HMG20A: variants seen among roughly 807,000 people sequenced by gnomAD.
HMG20A encodes the protein high mobility group 20A.
HMG20A carries 17 observed loss-of-function variants against 43.9 expected under a neutral mutation model. The ratio of observed to expected loss-of-function variants is 0.39; its 90% confidence interval spans 0.27 to 0.58. The LOEUF is 0.58. HMG20A is among the 20% of genes least tolerant of loss of function. The pLI, the probability that HMG20A is intolerant of heterozygous loss-of-function variation, is 0.59. For synonymous variants in HMG20A, 132 were observed against 147.5 expected (o/e 0.89, Z 0.76); for missense variants, 341 against 438.2 (o/e 0.78, Z 1.98).
At chr15:77,511,880 C>T in the HMG20A span, among the ~76,000 whole-genome samples, 1 of 152,132 alleles carries the variant, frequency 6.6e-6, no homozygotes, top group African/African-American at 2.4e-5. Context: ...GTAGAATTAC[C>T]ATATGATCCA....
At chr15:77,463,791 G>C (rs2072727823) in intron 2 of HMG20A, among the ~76,000 whole-genome samples, 1 of 152,216 alleles carries the variant, frequency 6.6e-6, no homozygotes, top group South Asian at 2.1e-4. Flanking sequence ...GTACCGTTAA[G>C]AGATTTTTCT....
the HMG20A span, among the ~76,000 whole-genome samples, chr15:77,497,672 AGAGAGAGAGAGT>A: frequency 2.4e-4 from 31 of 126,904 alleles, no homozygotes; most frequent in Non-Finnish European, 3.7e-4. Context: ...AGAGAGAGAG[AGAGAGAGAGAGT>A]GTGTGTGTGT....
chr15:77,477,689 A>T, intron 7 of HMG20A, 59 bp downstream of exon 7: 1 of 1,157,418 alleles, frequency 8.6e-7, no homozygotes, highest in Admixed American at 1.8e-5. Context: ...CTTAGTTCTC[A>T]GAAGAAATTC....
intron 1 of HMG20A, among the ~76,000 whole-genome samples, chr15:77,457,200 T>C (rs1339938437): frequency 6.6e-6 from 1 of 152,220 alleles, no homozygotes; most frequent in African/African-American, 2.4e-5. Context: ...ACATGGAGAA[T>C]GTGGTCCTCG....
chr15:77,435,386 C>T (rs551587332), intron 1 of HMG20A, among the ~76,000 whole-genome samples: 14 of 152,296 alleles, frequency 9.2e-5, no homozygotes, highest in Non-Finnish European at 1.5e-4. Flanking sequence ...TGGGCTCAAG[C>T]AGTTCTTCTG....
intron 1 of HMG20A, among the ~76,000 whole-genome samples, chr15:77,428,748 T>G (rs575642268): frequency 6.6e-6 from 1 of 152,290 alleles, no homozygotes; most frequent in Admixed American, 6.5e-5. Context: ...AAGGATCGCC[T>G]TAGCTCAGGA....
chr15:77,457,972 ATC>A (rs983260583), intron 1 of HMG20A, among the ~76,000 whole-genome samples: 1 of 152,192 alleles, frequency 6.6e-6, no homozygotes, highest in African/African-American at 2.4e-5. Context: ...TTTCATTTTA[ATC>A]TCTCACAATA....
chr15:77,482,881 TA>T (rs1196389502), intron 9 of HMG20A, 88 bp from the exon 10 acceptor site: 1 of 152,310 alleles, frequency 6.6e-6, no homozygotes, highest in Non-Finnish European at 1.5e-5. Context: ...TCCATAGCGC[TA>T]ACCCCTTCCA....
chr15:77,433,561 A>G (rs1033288959), intron 1 of HMG20A, among the ~76,000 whole-genome samples: 5 of 152,174 alleles, frequency 3.3e-5, no homozygotes, highest in Admixed American at 6.5e-5. Context: ...CGTGAACCTA[A>G]ATGTGTTACT....
At chr15:77,441,796 G>C (rs1287282529) in intron 1 of HMG20A, among the ~76,000 whole-genome samples, 1 of 151,968 alleles carries the variant, frequency 6.6e-6, no homozygotes, top group South Asian at 2.1e-4. Context: ...TATCAACTTT[G>C]TCTTTTAAAT....
chr15:77,511,523 C>T, the HMG20A span, among the ~76,000 whole-genome samples: 7 of 152,190 alleles, frequency 4.6e-5, no homozygotes, highest in East Asian at 3.9e-4. Flanking sequence ...GGGGACATGT[C>T]GAAAGCACAT....
At chr15:77,439,839 C>G (rs960456682) in intron 1 of HMG20A, among the ~76,000 whole-genome samples, 2 of 152,108 alleles carry the variant, frequency 1.3e-5, no homozygotes, top group Non-Finnish European at 2.9e-5. Flanking sequence ...TTTAGATTCC[C>G]AGTAGCACCG....
the HMG20A span, among the ~76,000 whole-genome samples, chr15:77,518,152 A>C: frequency 6.6e-6 from 1 of 152,162 alleles, no homozygotes; most frequent in Admixed American, 6.5e-5. Context: ...CAGAGTTTTC[A>C]CTTTGTGAGG....
chr15:77,465,844 A>G (rs188162103), intron 3 of HMG20A, among the ~76,000 whole-genome samples: 86 of 152,338 alleles, frequency 5.6e-4, no homozygotes, highest in African/African-American at 2.0e-3. Context: ...TTGTTTATTT[A>G]TATTTCTCTT....
the HMG20A span, among the ~76,000 whole-genome samples, chr15:77,505,348 C>T: frequency 1.3e-5 from 2 of 152,250 alleles, no homozygotes; most frequent in Admixed American, 1.3e-4. Flanking sequence ...AGCTCAGACA[C>T]ATCTTTCCTA....
At chr15:77,465,548 A>G (rs1038628976) in intron 3 of HMG20A, among the ~76,000 whole-genome samples, 5 of 152,158 alleles carry the variant, frequency 3.3e-5, no homozygotes, top group African/African-American at 7.2e-5. Flanking sequence ...GGCACATGCC[A>G]TCATGCCCAG....
intron 1 of HMG20A, among the ~76,000 whole-genome samples, chr15:77,436,349 A>G (rs557147504): frequency 6.6e-6 from 1 of 152,246 alleles, no homozygotes; most frequent in African/African-American, 2.4e-5. Flanking sequence ...CCTCTTTGCT[A>G]CATCTCCACT....
chr15:77,427,632 A>G (rs1380616252), intron 1 of HMG20A, among the ~76,000 whole-genome samples: 1 of 152,170 alleles, frequency 6.6e-6, no homozygotes, highest in African/African-American at 2.4e-5. Context: ...ACCCTTATAC[A>G]TGTTACCCCA....
At chr15:77,489,808 G>A (rs1372586317), downstream of HMG20A, among the ~76,000 whole-genome samples, 1 of 152,220 alleles carries the variant, frequency 6.6e-6, no homozygotes, top group Non-Finnish European at 1.5e-5. Context: ...AGAAAAAGCT[G>A]GTGAGGCTGG....
Sources: gnomAD v4.1 joint callset for allele counts (sites outside exome capture counted in the v4.1 genomes callset) on GRCh38, gnomAD v4.1.1 for gene constraint, MANE v1.5 for transcripts, NCBI Gene and HGNC (gene_info 2026-07-23, HGNC 2026-07-21) for gene names.